The following ADAMTS14 variants were observed in gnomAD, a reference collection of about 807,000 sequenced individuals.
The protein encoded by ADAMTS14 is ADAM metallopeptidase with thrombospondin type 1 motif 14, also known as A disintegrin and metalloproteinase with thrombospondin motifs 14.
In ADAMTS14, 100 loss-of-function variants were observed where a neutral mutation model predicts 128.6. The observed-to-expected ratio is 0.78, with a 90% CI of 0.66 to 0.92. The LOEUF is 0.92. ADAMTS14 is among the 40% of genes least tolerant of loss of function. The pLI is 0.00. For missense variants in ADAMTS14, 1,562 were observed against 1,658.6 expected (o/e 0.94, Z 1.01); for synonymous variants, 665 against 653.8 (o/e 1.02, Z -0.26).
intron 21 of ADAMTS14, among the ~76,000 whole-genome samples, chr10:70,760,048 G>A (rs1842568488): frequency 6.6e-6 from 1 of 152,238 alleles, no homozygotes; most frequent in South Asian, 2.1e-4. Context: ...AGTTTCTGAT[G>A]CAATAGGGCT....
chr10:70,737,309 T>C (rs1841857287), intron 10 of ADAMTS14, among the ~76,000 whole-genome samples: 4 of 152,162 alleles, frequency 2.6e-5, no homozygotes, highest in Admixed American at 2.0e-4. Flanking sequence ...AGGGCTTCAT[T>C]TGCCCGGGGG....
In ADAMTS14 at chr10:70,761,139, A is replaced by C; in HGVS notation, c.*286A>C. ...TCCCCTGCCAAGACCAGGGTCAACT[A>C]TTGCTCCCTCCTCACAGACCCTGGG... On this transcript the variant is annotated 3_prime_UTR_variant, in exon 22 of 22. Coordinates refer to ENST00000373207, the MANE Select transcript of ADAMTS14 (RefSeq NM_080722.4). 1 of 359,320 alleles carries C rather than the reference A, an allele frequency of 2.8e-6. No homozygotes were observed. Among genetic ancestry groups the C allele is most frequent in the Non-Finnish European group, 5.0e-6 (1 of 199,708 alleles). 22.3% of individuals were successfully genotyped at this position (359,320 alleles called of 1,614,324 possible).
chr10:70,700,704 T>TCATC lies in ADAMTS14; in HGVS notation c.523-1606_523-1603dup, dbSNP rs552286382. ...TTGCAACCAGGAACCTGATGGATAGTCATCCTTCAGGACCCACAGATGGCA... is the reference window on the plus strand; with the variant it reads ...TTGCAACCAGGAACCTGATGGATAGTCATCCATCCTTCAGGACCCACAGATGGCA... On this transcript the variant is annotated intron_variant, in intron 2 of 21. Transcript: ENST00000373207. 7.2e-4 allele frequency among the ~76,000 whole-genome samples: 110 copies of TCATC among 152,288 alleles called. 1 individual carries two copies. The highest frequency in any genetic ancestry group is 1.2e-3 in the Non-Finnish European group (84 of 68,020).
chr10:70,723,685 A>C (rs556495929), intron 4 of ADAMTS14, among the ~76,000 whole-genome samples: 1 of 152,146 alleles, frequency 6.6e-6, no homozygotes, highest in Admixed American at 6.5e-5. Context: ...TAATACCCCC[A>C]GGGTCTTGCT....
chr10:70,731,877 CT>C lies in ADAMTS14; in HGVS notation c.1103-376del, dbSNP rs1273039443. Among the ~76,000 whole-genome samples the C allele has an allele frequency of 2.6e-5, 4 of 152,286 alleles. 1 individual carries two copies. The highest frequency in any genetic ancestry group is 4.1e-4 in the South Asian group (2 of 4,828). The stretch of plus-strand genomic sequence containing the variant: ...CGGATCTGAGTCTCCTGTTTTCCCC[CT>C]GGTACCTAACATAATGCTGCCCCCA... On this transcript the variant is annotated intron_variant, in intron 6 of 21. Coordinates refer to ENST00000373207, the MANE Select transcript of ADAMTS14 (RefSeq NM_080722.4).
Position 70,738,741 on chromosome 10 carries a change from C to T in ADAMTS14, c.1600-101C>T, listed in dbSNP as rs945811218. The T allele has an allele frequency of 1.3e-4, 207 of 1,539,640 alleles. 1 individual carries two copies. The highest frequency in any genetic ancestry group is 1.7e-4 in the Middle Eastern group (1 of 5,830). Reference sequence around the variant, plus strand: ...GCTCATGCTAGGGGTGGGATTCTGCCTAAACCCAGGCTCATGCTCTTGCTA... The same window carrying T: ...GCTCATGCTAGGGGTGGGATTCTGCTTAAACCCAGGCTCATGCTCTTGCTA... On this transcript the variant is annotated intron_variant, in intron 10 of 21. Transcript: ENST00000373207.
At chr10:70,715,791 A>AG (rs1159981403) in intron 4 of ADAMTS14, among the ~76,000 whole-genome samples, 1 of 152,140 alleles carries the variant, frequency 6.6e-6, no homozygotes, top group Non-Finnish European at 1.5e-5. Context: ...TGCATTCAGA[A>AG]GGGGGTAGGA....
At chr10:70,745,394 C>G (rs1033133387) in intron 15 of ADAMTS14, 88 bp downstream of exon 15, 2 of 1,369,372 alleles carry the variant, frequency 1.5e-6, no homozygotes, top group Admixed American at 1.8e-5. Context: ...GGACAAGATT[C>G]TAGTACAAGT....
chr10:70,674,109 C>G (rs138706895), intron 1 of ADAMTS14, among the ~76,000 whole-genome samples: 6 of 152,214 alleles, frequency 3.9e-5, no homozygotes, highest in African/African-American at 1.4e-4. Context: ...TTGCCAGCTG[C>G]GTTCTTGGAA....
chr10:70,742,100 A>G (rs1842017502), intron 12 of ADAMTS14, among the ~76,000 whole-genome samples: 1 of 152,182 alleles, frequency 6.6e-6, no homozygotes. Flanking sequence ...GGGACCTCAG[A>G]GGCCTGTCAT....
At chr10:70,751,341 A>G (rs910800951) in intron 16 of ADAMTS14, 137 bp from the exon 17 acceptor site, 5 of 853,464 alleles carry the variant, frequency 5.9e-6, no homozygotes, top group Non-Finnish European at 7.4e-6. Context: ...TACCCCAGCC[A>G]TGCTGGGCAC....
At chr10:70,736,866 C>T in intron 10 of ADAMTS14, 73 bp downstream of exon 10, 1 of 1,380,986 alleles carries the variant, frequency 7.2e-7, no homozygotes, top group Non-Finnish European at 1.0e-6. Context: ...GGGGGTGGAT[C>T]CCAGAGTGAA....
intron 4 of ADAMTS14, among the ~76,000 whole-genome samples, chr10:70,711,614 G>A (rs951078289): frequency 6.6e-6 from 1 of 152,214 alleles, no homozygotes; most frequent in African/African-American, 2.4e-5. Context: ...CTCAAGTAAT[G>A]TTTTCTGTCA....
chr10:70,682,090 A>C (rs1199751618), intron 2 of ADAMTS14, among the ~76,000 whole-genome samples: 1 of 152,234 alleles, frequency 6.6e-6, no homozygotes, highest in East Asian at 1.9e-4. Flanking sequence ...ACCAGTTCCT[A>C]GAAATCAGAG....
At chr10:70,675,682 C>T (rs1202803100) in intron 2 of ADAMTS14, among the ~76,000 whole-genome samples, 2 of 152,220 alleles carry the variant, frequency 1.3e-5, no homozygotes, top group Non-Finnish European at 2.9e-5. Flanking sequence ...AGCGCCTCTG[C>T]TAGTTGGCTC....
chr10:70,696,405 CGTT>C (rs998088912), intron 2 of ADAMTS14, among the ~76,000 whole-genome samples: 8 of 151,464 alleles, frequency 5.3e-5, no homozygotes, highest in African/African-American at 2.0e-4. Flanking sequence ...GGACACAGAC[CGTT>C]AAGCTGTTAG....
chr10:70,722,799 C>T (rs1182911747), intron 4 of ADAMTS14, among the ~76,000 whole-genome samples: 6 of 152,136 alleles, frequency 3.9e-5, no homozygotes, highest in East Asian at 3.8e-4. Flanking sequence ...GATAAAAGTC[C>T]ATACTGATAA....
intron 4 of ADAMTS14, among the ~76,000 whole-genome samples, chr10:70,722,173 A>G (rs1458257421): frequency 6.6e-6 from 1 of 152,190 alleles, no homozygotes; most frequent in African/African-American, 2.4e-5. Context: ...TGGACTCAAT[A>G]GGATGCAGCA....
At chr10:70,674,131 A>G (rs1839567535) in intron 1 of ADAMTS14, among the ~76,000 whole-genome samples, 1 of 151,780 alleles carries the variant, frequency 6.6e-6, no homozygotes, top group African/African-American at 2.4e-5. Context: ...TTTGGGGAGG[A>G]GGGCACTACC....
Sources: allele counts gnomAD v4.1 joint callset (sites outside exome capture counted in the v4.1 genomes callset), GRCh38; gene constraint gnomAD v4.1.1; transcripts MANE v1.5; gene names NCBI Gene and HGNC (gene_info 2026-07-23, HGNC 2026-07-21).